PLCL1: variants seen among roughly 807,000 people sequenced by gnomAD.
PLCL1 encodes phospholipase C like 1 (inactive).
In PLCL1, 41 loss-of-function variants were observed where a neutral mutation model predicts 84.4. That is an observed-to-expected ratio of 0.49 (90% confidence interval 0.38 to 0.63). PLCL1 has a LOEUF of 0.63. Among genes scored for constraint, PLCL1 ranks in the 30% least tolerant of loss-of-function variants. The pLI is 0.00. For missense variants in PLCL1, 1,206 were observed against 1,367.8 expected (o/e 0.88, Z 1.87); for synonymous variants, 490 against 488.3 (o/e 1.00, Z -0.05).
At chr2:198,103,959 C>T (rs765791860) in intron 5 of PLCL1, 23 bp downstream of exon 5, 2 of 1,198,352 alleles carry the variant, frequency 1.7e-6, no homozygotes, top group Admixed American at 2.0e-5. Flanking sequence ...CTCAGATGTC[C>T]CCTGTGCCTT....
chr2:197,818,711 G>A (rs1187924388), intron 1 of PLCL1, among the ~76,000 whole-genome samples: 1 of 152,000 alleles, frequency 6.6e-6, no homozygotes, highest in Non-Finnish European at 1.5e-5. Context: ...TAATGGTGGC[G>A]GCATTTAACT....
intron 5 of PLCL1, among the ~76,000 whole-genome samples, chr2:198,123,497 A>G (rs1189340019): frequency 6.6e-6 from 1 of 151,934 alleles, no homozygotes; most frequent in Non-Finnish European, 1.5e-5. Flanking sequence ...CAAAATTTAG[A>G]CTTAGACAGG....
rs149667225 is a variant in PLCL1, at chr2:198,147,248, AAGAG to A, written c.*300_*303del. The A allele has an allele frequency of 3.2e-4, 53 of 164,304 alleles. No individual in the cohort carries two copies. Among genetic ancestry groups the A allele is most frequent in the Non-Finnish European group, 4.5e-4 (39 of 85,920 alleles). The allele number at this position is 164,304 out of a possible 1,614,324, so 10.2% of individuals were successfully genotyped here. A position where few individuals can be genotyped will look rare whatever the true frequency, so the allele number is the denominator to read the frequency against. Reference sequence around the variant, plus strand: ...TGTGTGTGTGTGGCAGAGAGAGAGAAAGAGAGAGAGAGAGAGAAATTCTGTTAAA... The same window carrying A: ...TGTGTGTGTGTGGCAGAGAGAGAGAAAGAGAGAGAGAGAAATTCTGTTAAA... On this transcript the variant is annotated 3_prime_UTR_variant, in exon 6 of 6. Coordinates refer to ENST00000428675, the MANE Select transcript of PLCL1 (RefSeq NM_006226.4).
intron 1 of PLCL1, among the ~76,000 whole-genome samples, chr2:197,877,802 G>A (rs1687764583): frequency 6.6e-6 from 1 of 152,256 alleles, no homozygotes; most frequent in East Asian, 1.9e-4. Context: ...TGAAATTACC[G>A]TAGTTTTGTA....
chr2:197,947,843 T>C (rs1689312321), intron 1 of PLCL1, among the ~76,000 whole-genome samples: 1 of 152,140 alleles, frequency 6.6e-6, no homozygotes. Flanking sequence ...CCTGAGATGA[T>C]TCTACTAAGC....
At chr2:197,985,097 G>A (rs896475986) in intron 1 of PLCL1, among the ~76,000 whole-genome samples, 6 of 152,118 alleles carry the variant, frequency 3.9e-5, no homozygotes, top group Non-Finnish European at 7.3e-5. Context: ...ATTCCCAGAT[G>A]TACTACCATG....
intron 1 of PLCL1, among the ~76,000 whole-genome samples, chr2:198,021,426 A>G (rs935494409): frequency 6.6e-6 from 1 of 152,178 alleles, no homozygotes; most frequent in Non-Finnish European, 1.5e-5. Context: ...ATAGAGACAC[A>G]AAAAACGCTT....
intron 1 of PLCL1, among the ~76,000 whole-genome samples, chr2:198,082,583 C>T (rs933076736): frequency 2.0e-5 from 3 of 152,090 alleles, no homozygotes; most frequent in Non-Finnish European, 4.4e-5. Context: ...GGGGCAATCA[C>T]GTGAATTGGG....
chr2:198,126,314 A>G (rs1693983593), intron 5 of PLCL1, among the ~76,000 whole-genome samples: 1 of 152,150 alleles, frequency 6.6e-6, no homozygotes, highest in Non-Finnish European at 1.5e-5. Flanking sequence ...TTTGAACAAG[A>G]ATTGCATTTA....
chr2:197,978,427 G>A (rs1226021477), intron 1 of PLCL1, among the ~76,000 whole-genome samples: 1 of 152,182 alleles, frequency 6.6e-6, no homozygotes, highest in African/African-American at 2.4e-5. Context: ...CAAGTGAGCC[G>A]AGATGGCGGC....
chr2:197,846,416 G>A (rs897161337), intron 1 of PLCL1, among the ~76,000 whole-genome samples: 4 of 152,250 alleles, frequency 2.6e-5, no homozygotes, highest in East Asian at 3.9e-4. Context: ...ATGGTAGTAC[G>A]AGAGAAGCAA....
chr2:197,811,670 T>C (rs1690589352), intron 1 of PLCL1, among the ~76,000 whole-genome samples: 1 of 152,270 alleles, frequency 6.6e-6, no homozygotes, highest in African/African-American at 2.4e-5. Context: ...TGTGTAGCTA[T>C]TATAGGCAAG....
chr2:197,924,522 T>G (rs901700076), intron 1 of PLCL1, among the ~76,000 whole-genome samples: 4 of 152,148 alleles, frequency 2.6e-5, no homozygotes, highest in Non-Finnish European at 5.9e-5. Context: ...GTATTTTATG[T>G]GTATCACTCT....
chr2:197,840,334 G>A lies in PLCL1; in HGVS notation c.240+34995G>A, dbSNP rs188595848. Among the ~76,000 whole-genome samples, 284 of 151,402 alleles carry A rather than the reference G, an allele frequency of 1.9e-3. 2 individuals carry two copies. The highest frequency in any genetic ancestry group is 1.9e-3 in the Non-Finnish European group (129 of 67,888). ...ATTAGAGATTTTGTAAAACTTCATC[G>A]GTTGATTAAAATGCAGATAGCATGC... On this transcript the variant is annotated intron_variant, in intron 1 of 5. Coordinates refer to ENST00000428675, the MANE Select transcript of PLCL1 (RefSeq NM_006226.4).
At chr2:198,144,193 G>A (rs917348524) in intron 5 of PLCL1, among the ~76,000 whole-genome samples, 5 of 152,104 alleles carry the variant, frequency 3.3e-5, no homozygotes, top group African/African-American at 7.2e-5. Flanking sequence ...GTTTTTGTAC[G>A]TTTCACTGTT....
At chr2:197,921,999 C>CTT (rs34033380) in intron 1 of PLCL1, among the ~76,000 whole-genome samples, 22,747 of 121,050 alleles carry the variant, frequency 0.19, 2,058 homozygotes, top group East Asian at 0.26. Context: ...TTGATAAATT[C>CTT]TTTTTTTTTT....
intron 1 of PLCL1, among the ~76,000 whole-genome samples, chr2:198,014,828 G>T (rs937141865): frequency 6.6e-6 from 1 of 151,868 alleles, no homozygotes; most frequent in Non-Finnish European, 1.5e-5. Flanking sequence ...ATCTCTAGGG[G>T]GTGTACAGAA....
At chr2:198,057,070 A>G (rs895117843) in intron 1 of PLCL1, among the ~76,000 whole-genome samples, 1 of 152,168 alleles carries the variant, frequency 6.6e-6, no homozygotes, top group Non-Finnish European at 1.5e-5. Context: ...TATATTTTTA[A>G]TAATGCTTGG....
chr2:197,847,249 T>G (rs1011324855), intron 1 of PLCL1, among the ~76,000 whole-genome samples: 1 of 152,170 alleles, frequency 6.6e-6, no homozygotes, highest in Non-Finnish European at 1.5e-5. Context: ...AGCTTATTTT[T>G]AATGTTTGTT....
Sources: gnomAD v4.1 joint callset for allele counts (sites outside exome capture counted in the v4.1 genomes callset) on GRCh38, gnomAD v4.1.1 for gene constraint, MANE v1.5 for transcripts, NCBI Gene and HGNC (gene_info 2026-07-23, HGNC 2026-07-21) for gene names.